The following NR6A1 variants were observed in gnomAD, a reference collection of about 807,000 sequenced individuals.
NR6A1 encodes retinoic acid receptor-related testis-associated receptor.
Under a neutral mutation model 59.1 loss-of-function variants are expected in NR6A1, and 7 were observed. The ratio of observed to expected loss-of-function variants is 0.12; its 90% confidence interval spans 0.07 to 0.22. The LOEUF (loss-of-function observed/expected upper bound fraction) is 0.22. Ranked by LOEUF, NR6A1 falls within the 10% of genes least tolerant of loss-of-function variation. The pLI is 1.00. For missense variants in NR6A1, 468 were observed against 611.6 expected, an observed-to-expected ratio of 0.77 and a Z score of 2.48; for synonymous variants, 243 against 236.1, an observed-to-expected ratio of 1.03 and a Z score of -0.27.
intron 2 of NR6A1, among the ~76,000 whole-genome samples, chr9:124,591,704 C>T (rs1184228403): frequency 1.3e-5 from 2 of 152,272 alleles, no homozygotes; most frequent in African/African-American, 4.8e-5. Flanking sequence ...AGCATCAAGA[C>T]CCTGTTAGAG....
chr9:124,643,561 C>G (rs1335426332), intron 2 of NR6A1, among the ~76,000 whole-genome samples: 1 of 150,598 alleles, frequency 6.6e-6, no homozygotes, highest in Non-Finnish European at 1.5e-5. Context: ...GATTCCGCAC[C>G]ACTGCATGCT....
At chr9:124,719,321 A>C (rs1053452508) in intron 2 of NR6A1, among the ~76,000 whole-genome samples, 2 of 152,114 alleles carry the variant, frequency 1.3e-5, no homozygotes, top group African/African-American at 2.4e-5. Flanking sequence ...ACCTGAGCTC[A>C]AGGGATCCAC....
intron 2 of NR6A1, among the ~76,000 whole-genome samples, chr9:124,579,532 TG>T (rs1834700926): frequency 1.3e-5 from 2 of 151,932 alleles, no homozygotes; most frequent in Admixed American, 1.3e-4. Context: ...ACTCCAGCCC[TG>T]GTGAGACCCC....
chr9:124,630,676 T>TTTTTTTTG, intron 2 of NR6A1, among the ~76,000 whole-genome samples: 1 of 133,248 alleles, frequency 7.5e-6, no homozygotes, highest in Admixed American at 7.3e-5. Context: ...ATTTCTTTTT[T>TTTTTTTTG]TTTTTTTTTT....
At chr9:124,757,902 C>T (rs528595292) in intron 1 of NR6A1, among the ~76,000 whole-genome samples, 2 of 152,360 alleles carry the variant, frequency 1.3e-5, no homozygotes. Flanking sequence ...GTTTCACACA[C>T]TTCGGCTTGC....
intron 1 of NR6A1, among the ~76,000 whole-genome samples, chr9:124,764,884 G>C (rs1359694632): frequency 6.6e-6 from 1 of 152,188 alleles, no homozygotes; most frequent in Non-Finnish European, 1.5e-5. Context: ...TTGCTGCCCA[G>C]GGAATTGGTT....
chr9:124,583,702 GCATGTGCT>G (rs1834838093), intron 2 of NR6A1, among the ~76,000 whole-genome samples: 1 of 152,230 alleles, frequency 6.6e-6, no homozygotes, highest in East Asian at 1.9e-4. Context: ...ACATTGTCAG[GCATGTGCT>G]CATGCTGCTC....
chr9:124,626,852 T>G (rs368121825), intron 2 of NR6A1, among the ~76,000 whole-genome samples: 8 of 152,244 alleles, frequency 5.3e-5, no homozygotes, highest in African/African-American at 1.9e-4. Context: ...GAGAATCGCT[T>G]GAACCCGGGA....
intron 1 of NR6A1, among the ~76,000 whole-genome samples, chr9:124,769,946 G>T (rs982563658): frequency 6.6e-6 from 1 of 152,230 alleles, no homozygotes. Context: ...CACCGAGGAG[G>T]AAAATATCAA....
chr9:124,620,185 T>C (rs1271448877), intron 2 of NR6A1, among the ~76,000 whole-genome samples: 1 of 151,926 alleles, frequency 6.6e-6, no homozygotes, highest in Admixed American at 6.6e-5. Flanking sequence ...ACCTGCCATA[T>C]AGCAAATGCT....
intron 2 of NR6A1, among the ~76,000 whole-genome samples, chr9:124,641,427 G>C (rs114546940): frequency 0.01 from 1,561 of 151,840 alleles, 26 homozygotes; most frequent in African/African-American, 0.036. Context: ...AAGAGGCCAG[G>C]AATGGTGGAT....
chr9:124,541,470 C>T (rs1253798654), intron 4 of NR6A1, among the ~76,000 whole-genome samples: 1 of 151,924 alleles, frequency 6.6e-6, no homozygotes, highest in African/African-American at 2.4e-5. Context: ...AAGAACACAA[C>T]AACAACAAAA....
intron 2 of NR6A1, among the ~76,000 whole-genome samples, chr9:124,621,687 T>A (rs1305379562): frequency 6.6e-6 from 1 of 151,962 alleles, no homozygotes; most frequent in African/African-American, 2.4e-5. Context: ...AGGAAATGCT[T>A]CTTACTAATA....
At chr9:124,627,733 T>A (rs1425175269) in intron 2 of NR6A1, among the ~76,000 whole-genome samples, 1 of 151,278 alleles carries the variant, frequency 6.6e-6, no homozygotes, top group East Asian at 2.0e-4. Context: ...CACCACAACC[T>A]GCTAATTTTC....
chr9:124,603,175 C>A (rs1037479175), intron 2 of NR6A1, among the ~76,000 whole-genome samples: 1 of 152,072 alleles, frequency 6.6e-6, no homozygotes, highest in African/African-American at 2.4e-5. Context: ...TTTTACAATT[C>A]TATCCTTTCT....
At chr9:124,716,217 T>C (rs1158702453) in intron 2 of NR6A1, among the ~76,000 whole-genome samples, 2 of 152,022 alleles carry the variant, frequency 1.3e-5, no homozygotes, top group Admixed American at 6.6e-5. Context: ...AAAAATAAAA[T>C]GTAATGAAGA....
In NR6A1 at chr9:124,555,620, A is replaced by C. The variant is rs1407929088; in HGVS notation, c.143-1050T>G. On this transcript the variant is annotated intron_variant, in intron 2 of 9. Coordinates refer to ENST00000487099, the MANE Select transcript of NR6A1 (RefSeq NM_033334.4). Reference sequence around the variant, plus strand: ...GACGGCAAGACCATATCTCTTAAAAAACAAATAAACAAAAACAAAGGCACA... The same window carrying C: ...GACGGCAAGACCATATCTCTTAAAACACAAATAAACAAAAACAAAGGCACA... Among the ~76,000 whole-genome samples, 6 of 152,200 alleles carry C rather than the reference A, an allele frequency of 3.9e-5. No homozygotes were observed. The East Asian group carries it at 1.2e-3, about 29-fold the overall frequency.
At chr9:124,622,076 C>T (rs1227106288) in intron 2 of NR6A1, among the ~76,000 whole-genome samples, 1 of 152,126 alleles carries the variant, frequency 6.6e-6, no homozygotes, top group Non-Finnish European at 1.5e-5. Context: ...ATTAGCCGGG[C>T]ATGGTGGCAT....
chr9:124,618,600 A>C (rs1467024410), intron 2 of NR6A1, among the ~76,000 whole-genome samples: 1 of 152,202 alleles, frequency 6.6e-6, no homozygotes, highest in African/African-American at 2.4e-5. Flanking sequence ...AACAGTGTTC[A>C]CTTTAGATCA....
Sources: allele counts gnomAD v4.1 joint callset (sites outside exome capture counted in the v4.1 genomes callset), GRCh38; gene constraint gnomAD v4.1.1; transcripts MANE v1.5; gene names NCBI Gene and HGNC (gene_info 2026-07-23, HGNC 2026-07-21).